The following SIAH3 variants were observed in gnomAD, a reference collection of about 807,000 sequenced individuals.
SIAH3 encodes siah E3 ubiquitin protein ligase family member 3.
SIAH3 carries 9 observed loss-of-function variants against 12.6 expected under a neutral mutation model. The ratio of observed to expected loss-of-function variants is 0.72; its 90% CI spans 0.43 to 1.25. The LOEUF is 1.25. SIAH3 is among the 50% of genes most tolerant of loss of function. The pLI is 0.00. For synonymous variants in SIAH3, 154 were observed against 151.1 expected, an observed-to-expected ratio of 1.02 and a Z score of -0.14; for missense variants, 390 against 365.4, an observed-to-expected ratio of 1.07 and a Z score of -0.55.
intron 1 of SIAH3, among the ~76,000 whole-genome samples, chr13:45,847,721 A>T (rs1950765455): frequency 6.6e-6 from 1 of 151,840 alleles, no homozygotes; most frequent in Non-Finnish European, 1.5e-5. Context: ...GGTTGGAGGT[A>T]TCAGAGAGGG....
At position 45,783,275 on chromosome 13, in the gene SIAH3, A is replaced by AG; in HGVS notation, c.*107_*108insC. 1 of 791,864 alleles carries AG rather than the reference A, an allele frequency of 1.3e-6. No individual in the cohort carries two copies. The highest frequency in any genetic ancestry group is 1.8e-6 in the Non-Finnish European group (1 of 554,250). 49.1% of individuals were successfully genotyped at this position (791,864 alleles called of 1,614,324 possible). ...AAATAATAATAATTAAAAATTAAAA[A>AG]AAAAAAAAAGAAAGGAGAAGAATAA... On this transcript the variant is annotated 3_prime_UTR_variant, in exon 2 of 2. Transcript: ENST00000400405.
intron 1 of SIAH3, among the ~76,000 whole-genome samples, chr13:45,784,602 G>A (rs535272839): frequency 6.7e-6 from 1 of 148,852 alleles, no homozygotes; most frequent in African/African-American, 2.4e-5. Flanking sequence ...GGCATCTGGT[G>A]GGATGCAGAG....
At chr13:45,790,149 C>T (rs543638517) in intron 1 of SIAH3, among the ~76,000 whole-genome samples, 1 of 152,274 alleles carries the variant, frequency 6.6e-6, no homozygotes, top group South Asian at 2.1e-4. Context: ...CCACTGCATA[C>T]AAATTTTCTT....
chr13:45,818,761 T>C (rs1341801110), intron 1 of SIAH3, among the ~76,000 whole-genome samples: 2 of 152,216 alleles, frequency 1.3e-5, no homozygotes, highest in Non-Finnish European at 2.9e-5. Context: ...TCCAAGATAT[T>C]CTCACCATAT....
At chr13:45,834,014 A>G (rs915642584) in intron 1 of SIAH3, among the ~76,000 whole-genome samples, 5 of 152,076 alleles carry the variant, frequency 3.3e-5, no homozygotes, top group Non-Finnish European at 7.4e-5. Context: ...AAAGAAAAAA[A>G]AAAAAAGAAG....
At chr13:45,815,109 T>A (rs1299210217) in intron 1 of SIAH3, among the ~76,000 whole-genome samples, 1 of 151,482 alleles carries the variant, frequency 6.6e-6, no homozygotes, top group Non-Finnish European at 1.5e-5. Context: ...TAATCAACCA[T>A]TTCAAACAAT....
At chr13:45,846,970 C>A (rs1331102906) in intron 1 of SIAH3, among the ~76,000 whole-genome samples, 1 of 152,214 alleles carries the variant, frequency 6.6e-6, no homozygotes, top group Non-Finnish European at 1.5e-5. Flanking sequence ...ACAATATTCA[C>A]AGAACCCATG....
At chr13:45,848,140 G>A (rs1353196984) in intron 1 of SIAH3, among the ~76,000 whole-genome samples, 1 of 152,200 alleles carries the variant, frequency 6.6e-6, no homozygotes, top group Non-Finnish European at 1.5e-5. Flanking sequence ...CCAGCCTGAA[G>A]TCTGCTCGTC....
At chr13:45,788,637 G>C (rs1319991549) in intron 1 of SIAH3, among the ~76,000 whole-genome samples, 1 of 152,140 alleles carries the variant, frequency 6.6e-6, no homozygotes, top group Non-Finnish European at 1.5e-5. Context: ...CCCATGGTTG[G>C]TAATGGCCCT....
chr13:45,793,231 CT>C (rs1445112124), intron 1 of SIAH3, among the ~76,000 whole-genome samples: 1 of 152,198 alleles, frequency 6.6e-6, no homozygotes, highest in Non-Finnish European at 1.5e-5. Context: ...CAAATGCAAA[CT>C]GCAGAAGCAG....
chr13:45,838,641 C>G (rs1950727728), intron 1 of SIAH3, among the ~76,000 whole-genome samples: 1 of 152,096 alleles, frequency 6.6e-6, no homozygotes, highest in Admixed American at 6.5e-5. Context: ...ATGTCTGAGG[C>G]CTTTCCTTAG....
intron 1 of SIAH3, among the ~76,000 whole-genome samples, chr13:45,849,757 T>G (rs1000979044): frequency 1.3e-5 from 2 of 152,238 alleles, no homozygotes; most frequent in Admixed American, 6.5e-5. Context: ...CACCTCTCTA[T>G]TCTCCATCAT....
chr13:45,816,692 G>T (rs1950635736), intron 1 of SIAH3, among the ~76,000 whole-genome samples: 1 of 152,148 alleles, frequency 6.6e-6, no homozygotes, highest in Non-Finnish European at 1.5e-5. Context: ...ATTCAGCAAG[G>T]GTTTCTCTTC....
chr13:45,820,131 C>T (rs964066075), intron 1 of SIAH3, among the ~76,000 whole-genome samples: 1 of 152,190 alleles, frequency 6.6e-6, no homozygotes, highest in Non-Finnish European at 1.5e-5. Flanking sequence ...CTCTTAAAGG[C>T]CCCACCTCTT....
At chr13:45,849,482 AC>A (rs2137588440) in intron 1 of SIAH3, among the ~76,000 whole-genome samples, 1 of 152,316 alleles carries the variant, frequency 6.6e-6, no homozygotes, top group Non-Finnish European at 1.5e-5. Flanking sequence ...GTTATGAAAC[AC>A]CTCTGATACC....
intron 1 of SIAH3, among the ~76,000 whole-genome samples, chr13:45,787,255 G>A (rs893091578): frequency 6.6e-6 from 1 of 152,192 alleles, no homozygotes; most frequent in Non-Finnish European, 1.5e-5. Context: ...TGAACAGGCT[G>A]GGGCTCCTGG....
chr13:45,829,541 C>A (rs1950691056), intron 1 of SIAH3, among the ~76,000 whole-genome samples: 1 of 152,134 alleles, frequency 6.6e-6, no homozygotes, highest in South Asian at 2.1e-4. Flanking sequence ...CCCAAAAGGT[C>A]AAGGCTGCAG....
At chr13:45,796,339 G>C (rs181895939) in intron 1 of SIAH3, among the ~76,000 whole-genome samples, 1 of 152,232 alleles carries the variant, frequency 6.6e-6, no homozygotes, top group East Asian at 1.9e-4. Flanking sequence ...TTCATGGGCG[G>C]GGGGGAGGCG....
intron 1 of SIAH3, among the ~76,000 whole-genome samples, chr13:45,837,862 C>T (rs959432789): frequency 6.6e-5 from 10 of 152,188 alleles, no homozygotes; most frequent in African/African-American, 2.4e-4. Flanking sequence ...GTCCAAAGTC[C>T]GTGATGTTTC....
Sources: allele counts gnomAD v4.1 joint callset (sites outside exome capture counted in the v4.1 genomes callset), GRCh38; gene constraint gnomAD v4.1.1; transcripts MANE v1.5; gene names NCBI Gene and HGNC (gene_info 2026-07-23, HGNC 2026-07-21).